The following HESX1 variants were observed in gnomAD, a reference collection of about 807,000 sequenced individuals.
HESX1 encodes the protein HESX homeobox 1, also known as homeobox expressed in ES cells 1.
Under a neutral mutation model 22.5 loss-of-function variants are expected in HESX1, and 11 were observed. The observed-to-expected ratio is 0.49, with a 90% CI of 0.31 to 0.81. The LOEUF is 0.81. HESX1 is among the 30% of genes least tolerant of loss of function. The probability of loss-of-function intolerance (pLI) is 0.05; values close to 1 mark genes in which losing one functional copy is unlikely to be tolerated. For synonymous variants in HESX1, 74 were observed against 76.5 expected (o/e 0.97, Z 0.17); for missense variants, 201 against 212.6 (o/e 0.95, Z 0.34).
At chr3:57,206,339 G>A (rs1180253621) in intron 1 of HESX1, among the ~76,000 whole-genome samples, 1 of 152,200 alleles carries the variant, frequency 6.6e-6, no homozygotes, top group African/African-American at 2.4e-5. Context: ...TAACAAAGAG[G>A]TATTATTGGC....
chr3:57,208,492 G>A (rs1234772642), intron 1 of HESX1, among the ~76,000 whole-genome samples: 7 of 151,814 alleles, frequency 4.6e-5, no homozygotes, highest in African/African-American at 9.7e-5. Context: ...GATTACAGGC[G>A]TGTGCTACCA....
At position 57,199,890 on chromosome 3, in the gene HESX1, T is replaced by A. The variant is rs1426346949; in HGVS notation, c.29A>T (p.Gln10Leu). The A allele has an allele frequency of 5.6e-6, 9 of 1,613,984 alleles. No homozygotes were observed. In the Admixed American group the frequency reaches 1.5e-4, roughly 27 times the overall value. ...AGTTGAGGGTTTGTTTTCCCCGAGCTGAGCGCCTTCCTGAAGGCTGGGAGA... is the reference window on the plus strand; with the variant it reads ...AGTTGAGGGTTTGTTTTCCCCGAGCAGAGCGCCTTCCTGAAGGCTGGGAGA... MSPSLQEGA[Q>L]LGENKPSTCS... Residue 10 changes from glutamine (Q) to leucine (L), a missense_variant, in exon 1 of 4, where the codon CAG (glutamine) becomes CTG (leucine). Physicochemically the swap from Gln to Leu is moderately radical, Grantham distance 113. Transcript: ENST00000295934.
rs562893360 is a variant in HESX1, at chr3:57,219,604, T to A, written c.-111+6692A>T. Among the ~76,000 whole-genome samples the A allele has an allele frequency of 2.0e-5, 3 of 152,228 alleles. No homozygotes were observed. In the East Asian group the frequency reaches 5.8e-4, roughly 29 times the overall value. On this transcript the variant is annotated intron_variant, in intron 1 of 2. Transcript: ENST00000495160. ...GGATGGTCTCGATCTCCTGACCTCATGATCCACCCACCTCAGCCTCCCAGA... is the reference window on the plus strand; with the variant it reads ...GGATGGTCTCGATCTCCTGACCTCAAGATCCACCCACCTCAGCCTCCCAGA...
At chr3:57,211,261 C>G (rs1305706367) in intron 1 of HESX1, among the ~76,000 whole-genome samples, 3 of 151,586 alleles carry the variant, frequency 2.0e-5, no homozygotes, top group Non-Finnish European at 4.4e-5. Flanking sequence ...GGTGCCATAG[C>G]TCATGCCTAT....
intron 1 of HESX1, among the ~76,000 whole-genome samples, chr3:57,213,151 T>C (rs1260752470): frequency 6.6e-6 from 1 of 152,188 alleles, no homozygotes; most frequent in African/African-American, 2.4e-5. Flanking sequence ...TTTATCAATC[T>C]ATACCCCAGA....
At chr3:57,215,210 T>C (rs1234072089) in intron 1 of HESX1, among the ~76,000 whole-genome samples, 2 of 152,266 alleles carry the variant, frequency 1.3e-5, no homozygotes, top group Admixed American at 6.5e-5. Flanking sequence ...GCAACTCAGA[T>C]ATTAGAAATA....
At chr3:57,210,500 C>T (rs1279609519) in intron 1 of HESX1, among the ~76,000 whole-genome samples, 1 of 152,134 alleles carries the variant, frequency 6.6e-6, no homozygotes, top group East Asian at 1.9e-4. Flanking sequence ...GTGAACCTTG[C>T]CCCTTCCTTA....
chr3:57,221,229 A>C lies in HESX1; in HGVS notation c.-111+5067T>G, dbSNP rs561245088. On this transcript the variant is annotated intron_variant, in intron 1 of 2. Coordinates refer to the HESX1 transcript ENST00000495160. ...AGTGCAGCCTGTACTCCATGGCTCA[A>C]TGCAGCCTCCAACTCTCCAGCTCAA... 4.6e-5 allele frequency among the ~76,000 whole-genome samples: 7 copies of C among 151,220 alleles called. No individual in the cohort carries two copies. The East Asian group carries it at 1.4e-3, about 30-fold the overall frequency.
At chr3:57,225,758 A>T (rs1186758090) in intron 1 of HESX1, among the ~76,000 whole-genome samples, 1 of 152,268 alleles carries the variant, frequency 6.6e-6, no homozygotes, top group Non-Finnish European at 1.5e-5. Flanking sequence ...TAACATACTA[A>T]GAAGGAAACC....
At chr3:57,200,578 T>G (rs1341614806), upstream of HESX1, among the ~76,000 whole-genome samples, 1 of 152,218 alleles carries the variant, frequency 6.6e-6, no homozygotes, top group East Asian at 1.9e-4. Context: ...GTAATTGTCT[T>G]CCAAGTGCCT....
chr3:57,205,017 C>T (rs996760590), intron 1 of HESX1, among the ~76,000 whole-genome samples: 1 of 152,062 alleles, frequency 6.6e-6, no homozygotes, highest in African/African-American at 2.4e-5. Context: ...TCTAGTGGTC[C>T]CTGCTTCCAC....
upstream of HESX1, among the ~76,000 whole-genome samples, chr3:57,202,986 T>C (rs1040108129): frequency 1.3e-5 from 2 of 152,158 alleles, no homozygotes; most frequent in Non-Finnish European, 2.9e-5. Flanking sequence ...TGGAGTGAAG[T>C]CAGTGGTACC....
At chr3:57,201,470 T>C (rs1281244591), upstream of HESX1, among the ~76,000 whole-genome samples, 3 of 152,012 alleles carry the variant, frequency 2.0e-5, no homozygotes, top group Non-Finnish European at 4.4e-5. Context: ...CATTCATTAT[T>C]TCCTTCCACA....
rs144128309 is a variant in HESX1 at position 57,199,630 on chromosome 3, A to T, written c.157+132T>A. 1,786 of 542,668 alleles carry T rather than the reference A, an allele frequency of 3.3e-3. 21 individuals carry two copies. Among genetic ancestry groups the T allele is most frequent in the African/African-American group, 0.026 (1,249 of 47,708 alleles). 33.6% of individuals were successfully genotyped at this position (542,668 alleles called of 1,614,324 possible). The stretch of plus-strand genomic sequence containing the variant: ...CCAACACTCTGTCTCAGAAAAAAAA[A>T]AAAAATAATAAATAATAATAATAAA... On this transcript the variant is annotated intron_variant, in intron 1 of 3. Transcript: ENST00000295934.
chr3:57,226,817 T>A (rs1163711975), upstream of HESX1, among the ~76,000 whole-genome samples: 1 of 152,196 alleles, frequency 6.6e-6, no homozygotes, highest in African/African-American at 2.4e-5. Flanking sequence ...TTTGTTATTT[T>A]CTCTGTATAA....
upstream of HESX1, among the ~76,000 whole-genome samples, chr3:57,201,822 T>C (rs567086389): frequency 1.3e-5 from 2 of 152,170 alleles, no homozygotes; most frequent in African/African-American, 4.8e-5. Flanking sequence ...CCAATATTTT[T>C]ATTCAGCTTA....
chr3:57,218,752 C>CT (rs1269652263), intron 1 of HESX1, among the ~76,000 whole-genome samples: 1 of 152,132 alleles, frequency 6.6e-6, no homozygotes, highest in Non-Finnish European at 1.5e-5. Flanking sequence ...CAATCTTACT[C>CT]TTTTTTATGG....
chr3:57,212,195 A>G (rs2060558500), intron 1 of HESX1, among the ~76,000 whole-genome samples: 1 of 152,364 alleles, frequency 6.6e-6, no homozygotes, highest in South Asian at 2.1e-4. Flanking sequence ...TGTCTTGTAT[A>G]TATCAAGCCC....
chr3:57,204,978 T>C (rs1373277629), upstream of HESX1, among the ~76,000 whole-genome samples: 1 of 151,606 alleles, frequency 6.6e-6, no homozygotes, highest in Non-Finnish European at 1.5e-5. Context: ...GGGAAAAGGG[T>C]CAAGGAAAAG....
Sources: gnomAD v4.1 joint callset for allele counts (sites outside exome capture counted in the v4.1 genomes callset) on GRCh38, gnomAD v4.1.1 for gene constraint, MANE v1.5 for transcripts, NCBI Gene and HGNC (gene_info 2026-07-23, HGNC 2026-07-21) for gene names.